The following FAM193A variants were observed in gnomAD, a reference collection of about 807,000 sequenced individuals.
FAM193A encodes protein FAM193A.
Under a neutral mutation model 126.5 loss-of-function variants are expected in FAM193A, and 22 were observed. That is an observed-to-expected ratio of 0.17 (90% CI 0.12 to 0.25). The LOEUF (loss-of-function observed/expected upper bound fraction) is 0.25. Ranked by LOEUF, FAM193A falls within the 10% of genes least tolerant of loss-of-function variation. The pLI is 1.00. For synonymous variants in FAM193A, 761 were observed against 646.8 expected (o/e 1.18, Z -2.68); for missense variants, 1,675 against 1,672.8 (o/e 1.00, Z -0.02).
At chr4:2,661,219 G>A (rs1042445783) in intron 10 of FAM193A, among the ~76,000 whole-genome samples, 1 of 152,192 alleles carries the variant, frequency 6.6e-6, no homozygotes, top group African/African-American at 2.4e-5. Flanking sequence ...TGGGCCTTCA[G>A]CAGCTTGTGA....
At chr4:2,543,062 G>C in intron 1 of FAM193A, among the ~76,000 whole-genome samples, 1 of 151,572 alleles carries the variant, frequency 6.6e-6, no homozygotes. Flanking sequence ...CATGGGCAAG[G>C]TATCAACCTT....
chr4:2,636,083 C>G (rs564104737), intron 5 of FAM193A, among the ~76,000 whole-genome samples: 13 of 149,836 alleles, frequency 8.7e-5, no homozygotes, highest in African/African-American at 3.2e-4. Context: ...GAGTCTCACT[C>G]TGTCTCAAAA....
At chr4:2,582,157 G>T (rs1253701715) in intron 1 of FAM193A, among the ~76,000 whole-genome samples, 1 of 151,732 alleles carries the variant, frequency 6.6e-6, no homozygotes, top group Non-Finnish European at 1.5e-5. Context: ...TCCTCCTCCA[G>T]CCCCCTTTCT....
At chr4:2,548,649 G>A (rs1019156775) in intron 1 of FAM193A, among the ~76,000 whole-genome samples, 1 of 151,650 alleles carries the variant, frequency 6.6e-6, no homozygotes, top group Non-Finnish European at 1.5e-5. Flanking sequence ...TAGAGATGGG[G>A]TTTCACCATA....
At chr4:2,712,581 C>T (rs1399284618) in intron 19 of FAM193A, among the ~76,000 whole-genome samples, 1 of 152,102 alleles carries the variant, frequency 6.6e-6, no homozygotes, top group Non-Finnish European at 1.5e-5. Flanking sequence ...TTCTGAGTGC[C>T]TTGGTTTTAG....
chr4:2,663,328 C>T, intron 12 of FAM193A, 40 bp downstream of exon 12: 1 of 1,481,336 alleles, frequency 6.8e-7, no homozygotes, highest in Non-Finnish European at 9.1e-7. Flanking sequence ...ATCTCTTTTT[C>T]TGTGTGTATT....
chr4:2,659,720 G>A (rs1006571975), intron 9 of FAM193A, 50 bp downstream of exon 9: 1 of 1,609,522 alleles, frequency 6.2e-7, no homozygotes, highest in Non-Finnish European at 8.5e-7. Flanking sequence ...GACCTTCACT[G>A]GGCTGAGTGG....
chr4:2,691,052 G>T (rs1401990058), intron 15 of FAM193A, 82 bp downstream of exon 15: 4 of 1,338,892 alleles, frequency 3.0e-6, no homozygotes, highest in Non-Finnish European at 4.1e-6. Flanking sequence ...ACTCATCTTT[G>T]TAACTGCCTT....
intron 10 of FAM193A, among the ~76,000 whole-genome samples, chr4:2,660,400 A>G (rs1712288864): frequency 6.6e-6 from 1 of 152,122 alleles, no homozygotes; most frequent in African/African-American, 2.4e-5. Flanking sequence ...CCCAGCACTC[A>G]TGCTTGTTTC....
chr4:2,631,085 G>C lies in FAM193A; in HGVS notation c.954G>C (p.Ala318=), dbSNP rs150727963. The C allele has an allele frequency of 1.2e-6, 2 of 1,613,714 alleles. No individual in the cohort carries two copies. Among genetic ancestry groups the C allele is most frequent in the African/African-American group, 2.7e-5 (2 of 74,934 alleles). ...CTGGCCTGCAGGGCCCGCCGCAAGC[G>C]CACCAGTTCATCTCCCTCCTGCTTG... is the stretch of plus-strand genomic sequence containing the variant. ...APSGLQGPPQ[A]HQFISLLLEE... is the part of the protein sequence containing the mutation. Residue 318 remains alanine, a synonymous_variant, in exon 5 of 21, where the codon GCG becomes GCC. Coordinates refer to ENST00000637812, the MANE Select transcript of FAM193A (RefSeq NM_001366318.2).
At chr4:2,597,739 T>TA (rs1210173761) in intron 2 of FAM193A, among the ~76,000 whole-genome samples, 1 of 152,194 alleles carries the variant, frequency 6.6e-6, no homozygotes, top group African/African-American at 2.4e-5. Context: ...AGCTGGCCTT[T>TA]AAAAAAATAA....
In FAM193A at chr4:2,659,578, T is replaced by G; in HGVS notation, c.1410T>G (p.Val470=). ...IEEQLTNKKA[V]TGENNFTDTM... ...TCTAGTTAACCAATAAGAAAGCAGT[T>G]ACTGGCGAGAACAACTTCACAGACA... is the stretch of plus-strand genomic sequence containing the variant. Residue 470 remains valine (V), a synonymous_variant, in exon 9 of 21, where the codon GTT becomes GTG. Transcript: ENST00000637812. 1 of 1,614,008 alleles carries G rather than the reference T, an allele frequency of 6.2e-7. No individual in the cohort carries two copies. The highest frequency in any genetic ancestry group is 8.5e-7 in the Non-Finnish European group (1 of 1,179,880).
chr4:2,542,105 T>C (rs1037608348), intron 1 of FAM193A, among the ~76,000 whole-genome samples: 2 of 151,864 alleles, frequency 1.3e-5, no homozygotes, highest in African/African-American at 4.8e-5. Flanking sequence ...AACCTCCGCC[T>C]CCTGGGTTCA....
chr4:2,568,905 T>C (rs940636227), intron 1 of FAM193A, among the ~76,000 whole-genome samples: 5 of 133,078 alleles, frequency 3.8e-5, no homozygotes, highest in Non-Finnish European at 6.4e-5. Context: ...ATAAAGACTT[T>C]AGATCATTCT....
chr4:2,614,986 C>T (rs1316850538), intron 2 of FAM193A: 1 of 152,102 alleles, frequency 6.6e-6, no homozygotes, highest in Admixed American at 6.5e-5. Flanking sequence ...CTTTTTTTCC[C>T]CTAAGACTGG....
intron 2 of FAM193A, among the ~76,000 whole-genome samples, chr4:2,612,079 G>A (rs987120518): frequency 6.6e-6 from 1 of 150,560 alleles, no homozygotes; most frequent in Non-Finnish European, 1.5e-5. Context: ...CTCGTGTTCC[G>A]TCTGTCTCGG....
upstream of FAM193A, among the ~76,000 whole-genome samples, chr4:2,535,809 G>C (rs1376324958): frequency 6.6e-6 from 1 of 152,208 alleles, no homozygotes; most frequent in Non-Finnish European, 1.5e-5. Flanking sequence ...GGCTTAACGG[G>C]ATAGCAGGGA....
intron 12 of FAM193A, among the ~76,000 whole-genome samples, chr4:2,663,828 A>G (rs1329124321): frequency 6.6e-6 from 1 of 152,180 alleles, no homozygotes; most frequent in African/African-American, 2.4e-5. Flanking sequence ...TTAGCTGGGC[A>G]TGGTGGTGGG....
At chr4:2,607,449 C>T (rs1026342619) in intron 2 of FAM193A, among the ~76,000 whole-genome samples, 2 of 152,092 alleles carry the variant, frequency 1.3e-5, no homozygotes, top group African/African-American at 2.4e-5. Flanking sequence ...AGTTTTGACT[C>T]GTGGGCCTGC....
Sources: gnomAD v4.1 joint callset for allele counts (sites outside exome capture counted in the v4.1 genomes callset) on GRCh38, gnomAD v4.1.1 for gene constraint, MANE v1.5 for transcripts, NCBI Gene and HGNC (gene_info 2026-07-23, HGNC 2026-07-21) for gene names.